Variants in CA10 observed in about 807,000 individuals in gnomAD.
CA10 encodes the protein carbonic anhydrase 10 (inactive), also known as carbonic anhydrase-related protein 10.
In CA10, 14 loss-of-function variants were observed where a neutral mutation model predicts 44.2. That is an observed-to-expected ratio of 0.32 (90% CI 0.21 to 0.50). CA10 has a LOEUF of 0.50. Among genes scored for constraint, CA10 ranks in the 20% least tolerant of loss-of-function variants. The pLI is 0.99. For missense variants in CA10, 350 were observed against 409.7 expected (o/e 0.85, Z 1.26); for synonymous variants, 159 against 141.6 (o/e 1.12, Z -0.87).
At chr17:51,758,435 C>T (rs992867863) in intron 3 of CA10, among the ~76,000 whole-genome samples, 5 of 152,182 alleles carry the variant, frequency 3.3e-5, no homozygotes, top group African/African-American at 1.2e-4. Flanking sequence ...TTCACTAAGG[C>T]GTGGGCTAAA....
chr17:51,975,405 G>A (rs55850522), intron 2 of CA10, among the ~76,000 whole-genome samples: 2,748 of 152,282 alleles, frequency 0.018, 86 homozygotes, highest in African/African-American at 0.063. Flanking sequence ...CTGGCTGGGC[G>A]AAGTGACTCA....
intron 8 of CA10, 55 bp downstream of exon 8, chr17:51,633,421 G>C: frequency 6.5e-7 from 1 of 1,527,562 alleles, no homozygotes; most frequent in Non-Finnish European, 8.9e-7. Context: ...ACAGGTCTAA[G>C]CAGAAAGACT....
chr17:51,909,772 C>T (rs577725376), intron 3 of CA10, among the ~76,000 whole-genome samples: 1 of 152,228 alleles, frequency 6.6e-6, no homozygotes, highest in Admixed American at 6.5e-5. Context: ...AGTATTCACT[C>T]TTCCGCAATA....
intron 2 of CA10, among the ~76,000 whole-genome samples, chr17:52,019,067 TCAC>T (rs1294883341): frequency 2.6e-5 from 4 of 152,108 alleles, no homozygotes; most frequent in African/African-American, 9.6e-5. Context: ...CTGGGGGCCA[TCAC>T]CACAAGGAGA....
intron 4 of CA10, among the ~76,000 whole-genome samples, chr17:51,722,488 T>G (rs920581527): frequency 6.6e-6 from 1 of 152,230 alleles, no homozygotes; most frequent in African/African-American, 2.4e-5. Context: ...TTTTCTTTAA[T>G]TGAAGAAATG....
intron 3 of CA10, among the ~76,000 whole-genome samples, chr17:51,869,790 GA>G (rs748753248): frequency 6.6e-6 from 1 of 152,022 alleles, no homozygotes; most frequent in Non-Finnish European, 1.5e-5. Context: ...GCCAGAGTAG[GA>G]AAAAAATCAA....
At chr17:51,721,395 G>A (rs1916344751) in intron 4 of CA10, among the ~76,000 whole-genome samples, 1 of 152,010 alleles carries the variant, frequency 6.6e-6, no homozygotes, top group Non-Finnish European at 1.5e-5. Flanking sequence ...ACTCAGGCTA[G>A]AGTGCAGTGG....
intron 4 of CA10, among the ~76,000 whole-genome samples, chr17:51,734,992 C>G (rs923816845): frequency 2.0e-5 from 3 of 152,082 alleles, no homozygotes; most frequent in African/African-American, 7.2e-5. Context: ...CTCCTGGCAG[C>G]CTTACAGCAG....
intron 2 of CA10, among the ~76,000 whole-genome samples, chr17:51,956,284 C>T (rs1983662618): frequency 6.6e-6 from 1 of 152,044 alleles, no homozygotes; most frequent in Non-Finnish European, 1.5e-5. Flanking sequence ...CCTGATTTGG[C>T]ATTTATGGTT....
chr17:51,779,465 G>A (rs898684523), intron 3 of CA10, among the ~76,000 whole-genome samples: 1 of 152,264 alleles, frequency 6.6e-6, no homozygotes, highest in Non-Finnish European at 1.5e-5. Flanking sequence ...TGGAAAATTG[G>A]GGGAAAATAT....
chr17:51,761,799 A>G (rs930124216), intron 3 of CA10: 3 of 152,188 alleles, frequency 2.0e-5, no homozygotes, highest in African/African-American at 7.2e-5. Context: ...AAACTGATAT[A>G]TAGACATCAT....
chr17:51,927,033 C>G (rs1567888203), intron 3 of CA10, among the ~76,000 whole-genome samples: 1 of 152,120 alleles, frequency 6.6e-6, no homozygotes, highest in Non-Finnish European at 1.5e-5. Context: ...AAAAATAAAA[C>G]AGTATTATCC....
At chr17:51,939,051 G>A (rs1040086455) in intron 2 of CA10, among the ~76,000 whole-genome samples, 2 of 152,078 alleles carry the variant, frequency 1.3e-5, no homozygotes, top group Admixed American at 6.6e-5. Context: ...GTAACATCCT[G>A]AGGAAACCAG....
At chr17:52,064,519 A>T (rs1987479467) in intron 2 of CA10, among the ~76,000 whole-genome samples, 2 of 152,154 alleles carry the variant, frequency 1.3e-5, no homozygotes, top group South Asian at 4.1e-4. Flanking sequence ...TCCTGGGAGT[A>T]CTGTGAAGAA....
chr17:51,726,374 T>G (rs979617457), intron 4 of CA10, among the ~76,000 whole-genome samples: 3 of 152,304 alleles, frequency 2.0e-5, no homozygotes, highest in African/African-American at 7.2e-5. Flanking sequence ...TATAACACAG[T>G]GACTGTAGTT....
At chr17:51,962,789 A>G (rs1316398613) in intron 2 of CA10, among the ~76,000 whole-genome samples, 1 of 152,194 alleles carries the variant, frequency 6.6e-6, no homozygotes, top group African/African-American at 2.4e-5. Flanking sequence ...ACACACAGTT[A>G]AATAATTATA....
chr17:51,929,597 C>A (rs542634692), intron 3 of CA10, among the ~76,000 whole-genome samples: 1 of 152,260 alleles, frequency 6.6e-6, no homozygotes, highest in East Asian at 1.9e-4. Context: ...CCCTACATCA[C>A]CCTCTCCAAG....
chr17:51,683,720 T>A (rs552941921), intron 4 of CA10, among the ~76,000 whole-genome samples: 1 of 152,278 alleles, frequency 6.6e-6, no homozygotes, highest in South Asian at 2.1e-4. Context: ...AGGCTGCTAC[T>A]AAATGCAAGA....
rs142733661 is a variant in CA10 at position 52,019,924 on chromosome 17, A to G, written c.136+52395T>C. On this transcript the variant is annotated intron_variant, in intron 2 of 8. Transcript: ENST00000451037. Reference sequence around the variant, plus strand: ...GAGATATATATACATATATATATGTATATGTATATATACAATCTGCTTTGT... The same window carrying G: ...GAGATATATATACATATATATATGTGTATGTATATATACAATCTGCTTTGT... Among the ~76,000 whole-genome samples, 583 of 151,952 alleles carry G rather than the reference A, an allele frequency of 3.8e-3. 1 individual carries two copies. Among genetic ancestry groups the G allele is most frequent in the African/African-American group, 0.013 (549 of 41,484 alleles).
Sources: gnomAD v4.1 joint callset for allele counts (sites outside exome capture counted in the v4.1 genomes callset) on GRCh38, gnomAD v4.1.1 for gene constraint, MANE v1.5 for transcripts, NCBI Gene and HGNC (gene_info 2026-07-23, HGNC 2026-07-21) for gene names.